The following RRAS2 variants were observed in gnomAD, a reference collection of about 807,000 sequenced individuals.
RRAS2 encodes the protein ras-related protein R-Ras2.
Under a neutral mutation model 27.6 loss-of-function variants are expected in RRAS2, and 7 were observed. That is an observed-to-expected ratio of 0.25 (90% CI 0.14 to 0.48). RRAS2 has a LOEUF of 0.48. Ranked by LOEUF, RRAS2 falls within the 20% of genes least tolerant of loss-of-function variation. The probability of loss-of-function intolerance (pLI) is 0.99; values close to 1 mark genes in which losing one functional copy is unlikely to be tolerated. For missense variants in RRAS2, 178 were observed against 256.2 expected (o/e 0.69, Z 2.08); for synonymous variants, 86 against 90.9 (o/e 0.95, Z 0.31).
chr11:14,291,153 G>GA (rs1421085069), intron 4 of RRAS2, among the ~76,000 whole-genome samples: 2 of 152,194 alleles, frequency 1.3e-5, no homozygotes, highest in Non-Finnish European at 2.9e-5. Context: ...ATTTCTCACA[G>GA]AAACAGGAAA....
chr11:14,282,542 ATTACATTTACATTT>A (rs1849568921), intron 4 of RRAS2, among the ~76,000 whole-genome samples: 1 of 152,176 alleles, frequency 6.6e-6, no homozygotes, highest in South Asian at 2.1e-4. Flanking sequence ...ATTAAACTCT[ATTACATTTACATTT>A]ATATAGTGGG....
chr11:14,294,187 G>A (rs1057229644), intron 4 of RRAS2, among the ~76,000 whole-genome samples: 8 of 152,106 alleles, frequency 5.3e-5, no homozygotes, highest in East Asian at 3.8e-4. Flanking sequence ...TATTACATGC[G>A]AATAAAGCTA....
Position 14,347,239 on chromosome 11 carries a change from T to C in RRAS2, c.108+11524A>G, listed in dbSNP as rs1039425851. 4.6e-5 allele frequency among the ~76,000 whole-genome samples: 7 copies of C among 152,170 alleles called. No homozygotes were observed. In the East Asian group the frequency reaches 1.2e-3, roughly 25 times the overall value. On this transcript the variant is annotated intron_variant, in intron 1 of 5. Transcript: ENST00000256196. ...ATTGTTTGTAAACACTAAAACCAGG[T>C]AGAATGATAGAAATGGCAAATAAAA...
intron 1 of RRAS2, among the ~76,000 whole-genome samples, chr11:14,312,007 G>A (rs1847982890): frequency 6.6e-6 from 1 of 152,054 alleles, no homozygotes; most frequent in Non-Finnish European, 1.5e-5. Context: ...TGGGATTACA[G>A]GCACCTGCCA....
chr11:14,364,002 G>A (rs1355575043), upstream of RRAS2, among the ~76,000 whole-genome samples: 3 of 152,214 alleles, frequency 2.0e-5, no homozygotes, highest in Admixed American at 6.5e-5. Flanking sequence ...CCCGGGAGGC[G>A]GAGGTTGCAG....
upstream of RRAS2, chr11:14,359,229 CG>C (rs2134049511): frequency 1.1e-5 from 1 of 92,736 alleles, no homozygotes; most frequent in Non-Finnish European, 2.2e-5. Context: ...CATGAGGGGG[CG>C]GGGAGGGGCG....
intron 1 of RRAS2, among the ~76,000 whole-genome samples, chr11:14,354,732 A>G (rs12805159): frequency 0.31 from 43,261 of 138,504 alleles, 7,316 homozygotes; most frequent in South Asian, 0.44. Context: ...GCTGGAGTGC[A>G]GTGGCGCAAC....
chr11:14,348,635 G>A lies in RRAS2; in HGVS notation c.108+10128C>T, dbSNP rs192647999. The stretch of plus-strand genomic sequence containing the variant: ...TTAAATTGCCCTATAGTCAGTCAAT[G>A]GGAGTTTTGCCAGGCTGGCTCCTGT... On this transcript the variant is annotated intron_variant, in intron 1 of 5. Coordinates refer to ENST00000256196, the MANE Select transcript of RRAS2 (RefSeq NM_012250.6). Among the ~76,000 whole-genome samples the A allele has an allele frequency of 3.4e-3, 522 of 152,262 alleles. 7 individuals are homozygous for A. The highest frequency in any genetic ancestry group is 0.013 in the Admixed American group (204 of 15,300).
chr11:14,342,201 C>A (rs782395369), intron 1 of RRAS2: 2 of 166,498 alleles, frequency 1.2e-5, no homozygotes, highest in Admixed American at 6.0e-5. Context: ...ATCTATCACT[C>A]TTTTCAGCTC....
intron 1 of RRAS2, among the ~76,000 whole-genome samples, chr11:14,325,398 G>A (rs1332781619): frequency 6.8e-6 from 1 of 148,036 alleles, no homozygotes; most frequent in African/African-American, 2.5e-5. Context: ...TGCAAGCTCT[G>A]CCTCCCGGGT....
At chr11:14,317,339 G>A (rs1357762815) in intron 1 of RRAS2, among the ~76,000 whole-genome samples, 4 of 152,200 alleles carry the variant, frequency 2.6e-5, no homozygotes, top group Non-Finnish European at 5.9e-5. Flanking sequence ...CAGCACTTTG[G>A]GAGGCTGAGG....
intron 4 of RRAS2, among the ~76,000 whole-genome samples, chr11:14,283,783 T>A (rs1849600513): frequency 6.6e-6 from 1 of 152,204 alleles, no homozygotes; most frequent in African/African-American, 2.4e-5. Context: ...GTGTCTTTTC[T>A]CTTTTTTATC....
upstream of RRAS2, among the ~76,000 whole-genome samples, chr11:14,361,118 G>A (rs905075184): frequency 6.0e-5 from 9 of 151,240 alleles, no homozygotes; most frequent in African/African-American, 1.5e-4. Flanking sequence ...GCCAAAACCC[G>A]TCTCTACAAA....
intron 1 of RRAS2, among the ~76,000 whole-genome samples, chr11:14,300,978 GGTTAAGTCTA>G (rs1279631032): frequency 4.6e-5 from 7 of 152,186 alleles, no homozygotes; most frequent in Non-Finnish European, 1.0e-4. Flanking sequence ...CCAGCACACT[GGTTAAGTCTA>G]CCACCCTTGC....
intron 1 of RRAS2, among the ~76,000 whole-genome samples, chr11:14,319,125 G>C (rs535352813): frequency 7.2e-4 from 110 of 152,300 alleles, no homozygotes; most frequent in Non-Finnish European, 1.2e-3. Context: ...TCATTACAAT[G>C]AGAGCTACCT....
intron 1 of RRAS2, among the ~76,000 whole-genome samples, chr11:14,344,211 C>T (rs768750334): frequency 1.1e-4 from 16 of 152,184 alleles, no homozygotes; most frequent in Admixed American, 2.0e-4. Context: ...ATGCCATTAT[C>T]TGAAAATAAT....
At chr11:14,279,594 G>A (rs530407961) in intron 5 of RRAS2, among the ~76,000 whole-genome samples, 170 bp from the exon 6 acceptor site, 22 of 152,166 alleles carry the variant, frequency 1.4e-4, no homozygotes, top group East Asian at 3.9e-4. Context: ...GCACAAACGC[G>A]TCAACACCAG....
At chr11:14,350,138 TC>T (rs1554954573) in intron 1 of RRAS2, among the ~76,000 whole-genome samples, 1 of 152,192 alleles carries the variant, frequency 6.6e-6, no homozygotes, top group Admixed American at 6.5e-5. Context: ...TCTCCTTCTT[TC>T]TTACACAAAA....
Position 14,319,345 on chromosome 11 carries a change from C to CTTTTT in RRAS2, c.109-23495_109-23491dup, listed in dbSNP as rs1156654694. ...TATTAACTATTCAGGTTCCCTCTGT[C>CTTTTT]TTTTTTTTTTTTTTTTTTTTTTTTG... On this transcript the variant is annotated intron_variant, in intron 1 of 5. Coordinates refer to ENST00000256196, the MANE Select transcript of RRAS2 (RefSeq NM_012250.6). Among the ~76,000 whole-genome samples, 395 of 91,514 alleles carry CTTTTT rather than the reference C, an allele frequency of 4.3e-3. 5 individuals are homozygous for CTTTTT. The highest frequency in any genetic ancestry group is 0.011 in the Middle Eastern group (1 of 94). 60.0% of individuals were successfully genotyped at this position (91,514 alleles called of 152,430 possible). A position where few individuals can be genotyped will look rare whatever the true frequency, so the allele number is the denominator to read the frequency against.
Sources: allele counts gnomAD v4.1 joint callset (sites outside exome capture counted in the v4.1 genomes callset), GRCh38; gene constraint gnomAD v4.1.1; transcripts MANE v1.5; gene names NCBI Gene and HGNC (gene_info 2026-07-23, HGNC 2026-07-21).